Variants in ZNF395 observed in about 807,000 individuals in gnomAD.
ZNF395 encodes the protein zinc finger protein 395.
A neutral mutation model predicts 57.7 loss-of-function variants in ZNF395; 20 were observed. The ratio of observed to expected loss-of-function variants is 0.35; its 90% CI spans 0.24 to 0.50. ZNF395 has a LOEUF of 0.50. Among genes scored for constraint, ZNF395 ranks in the 20% least tolerant of loss-of-function variants. The pLI, the probability that ZNF395 is intolerant of heterozygous loss-of-function variation, is 0.97. For missense variants in ZNF395, 606 were observed against 671.2 expected (o/e 0.90, Z 1.07); for synonymous variants, 295 against 275.9 (o/e 1.07, Z -0.69).
intron 1 of ZNF395, among the ~76,000 whole-genome samples, chr8:28,367,295 C>T (rs959675247): frequency 6.6e-6 from 1 of 152,156 alleles, no homozygotes; most frequent in African/African-American, 2.4e-5. Context: ...TACCCTATAA[C>T]TGAGCATCCA....
chr8:28,353,288 G>A lies in ZNF395; in HGVS notation c.704C>T (p.Pro235Leu), dbSNP rs1186856945. The change falls in exon 5 of 10, where the codon CCC becomes CTC. Residue 235 changes from proline (P) to leucine (L), a missense_variant. By Grantham distance (98) the Pro-to-Leu change is moderately conservative. Coordinates refer to ENST00000344423, the MANE Select transcript of ZNF395 (RefSeq NM_018660.3). ...CCCCAAATACTTGGGGCTGGCCTGGGGGTGGGGGGGCGAGGGGGTGGAGAC... is the reference window on the plus strand; with the variant it reads ...CCCCAAATACTTGGGGCTGGCCTGGAGGTGGGGGGGCGAGGGGGTGGAGAC... ...SGVSTPSPPH[P>L]QASPKYLGDA... is the part of the protein sequence containing the mutation. The A allele has an allele frequency of 6.2e-7, 1 of 1,610,806 alleles. No homozygotes were observed. Among genetic ancestry groups the A allele is most frequent in the African/African-American group, 1.3e-5 (1 of 74,872 alleles).
intron 1 of ZNF395, among the ~76,000 whole-genome samples, chr8:28,380,014 CCT>C (rs1415319806): frequency 6.6e-6 from 1 of 152,004 alleles, no homozygotes; most frequent in African/African-American, 2.4e-5. Context: ...AACATTTTTC[CCT>C]GTTATTTTAA....
intron 1 of ZNF395, among the ~76,000 whole-genome samples, chr8:28,364,682 T>C (rs1801889800): frequency 6.7e-6 from 1 of 149,402 alleles, no homozygotes; most frequent in Admixed American, 6.7e-5. Flanking sequence ...AAAGAATCAC[T>C]TGAACCCAGG....
At chr8:28,360,286 C>T (rs944806892) in intron 2 of ZNF395, among the ~76,000 whole-genome samples, 1 of 152,256 alleles carries the variant, frequency 6.6e-6, no homozygotes, top group Non-Finnish European at 1.5e-5. Flanking sequence ...GCCACCTTCT[C>T]TCACAGGCAG....
chr8:28,356,593 A>C lies in ZNF395; in HGVS notation c.583+77T>G. The C allele has an allele frequency of 1.8e-6, 2 of 1,085,846 alleles. No homozygotes were observed. Among genetic ancestry groups the C allele is most frequent in the Non-Finnish European group, 2.7e-6 (2 of 743,664 alleles). The allele number at this position is 1,085,846 out of a possible 1,614,324, so 67.3% of individuals were successfully genotyped here. On this transcript the variant is annotated intron_variant, in intron 4 of 9. Coordinates refer to ENST00000344423, the MANE Select transcript of ZNF395 (RefSeq NM_018660.3). This position sits in a 1 kb window ranked among gnomAD's most constrained non-coding sequence, Gnocchi z 4.0. ...TATTGCCAGGCTGGTGACATAGGCA[A>C]CTAGCTGCTCTGCACAGAGGATGTT...
intron 2 of ZNF395, among the ~76,000 whole-genome samples, chr8:28,360,293 G>A (rs1801832670): frequency 6.6e-6 from 1 of 152,204 alleles, no homozygotes; most frequent in Admixed American, 6.5e-5. Context: ...TCTCTCACAG[G>A]CAGGGAGGCC....
chr8:28,363,124 T>G (rs952763365), intron 1 of ZNF395, among the ~76,000 whole-genome samples: 19 of 150,848 alleles, frequency 1.3e-4, no homozygotes. Context: ...GTTTTTTTTT[T>G]GTTTGGGTTT....
In ZNF395 at chr8:28,356,685, C is replaced by G; in HGVS notation, c.568G>C (p.Glu190Gln). ...SPVVQSPPGT[E>Q]ANFSASRAAC... ...GCTTGCTCACCAGAGAAGTTGGCCT[C>G]GGTCCCGGGAGGACTCTGTACAACA... is the stretch of plus-strand genomic sequence containing the variant. Residue 190 changes from glutamate to glutamine, a missense_variant, in exon 4 of 10, where the codon GAG (glutamate) becomes CAG (glutamine). Physicochemically the swap from Glu to Gln is conservative, Grantham distance 29. Around this residue, in one of 3 missense-constraint regions of ZNF395, gnomAD observed 309 missense variants for 374.7 expected, o/e 0.82. Coordinates refer to ENST00000344423, the MANE Select transcript of ZNF395 (RefSeq NM_018660.3). The surrounding 1 kb of genome is among the most constrained non-coding windows in gnomAD (Gnocchi z 4.0). 1 of 1,613,956 alleles carries G rather than the reference C, an allele frequency of 6.2e-7. No homozygotes were observed. Among genetic ancestry groups the G allele is most frequent in the South Asian group, 1.1e-5 (1 of 91,054 alleles).
At chr8:28,355,085 A>T (rs17059008) in intron 4 of ZNF395, among the ~76,000 whole-genome samples, 1 of 152,142 alleles carries the variant, frequency 6.6e-6, no homozygotes, top group Non-Finnish European at 1.5e-5. Flanking sequence ...ATCTTTGATC[A>T]TAAGTTTTTC....
Position 28,346,672 on chromosome 8 carries a change from T to G in ZNF395, c.*2047A>C, listed in dbSNP as rs950577349. The G allele has an allele frequency of 6.6e-5, 10 of 152,150 alleles. No individual in the cohort carries two copies. Among genetic ancestry groups the G allele is most frequent in the African/African-American group, 2.4e-4 (10 of 41,404 alleles). The allele number at this position is 152,150 out of a possible 1,614,324, so 9.4% of individuals were successfully genotyped here. ...GGGGGCGGGGGGAATTCAAACAGCT[T>G]TCTAAAGACGAGACGGCAGTGAAAA... On this transcript the variant is annotated 3_prime_UTR_variant, in exon 10 of 10. Transcript: ENST00000344423.
intron 1 of ZNF395, among the ~76,000 whole-genome samples, chr8:28,367,572 T>C (rs1400456364): frequency 2.6e-5 from 4 of 152,158 alleles, no homozygotes; most frequent in African/African-American, 9.7e-5. Context: ...TTTCCACAGC[T>C]CTACCCAGGA....
Position 28,349,150 on chromosome 8 carries a change from G to C in ZNF395, c.1405C>G (p.Pro469Ala). 6.4e-7 allele frequency: 1 copy of C among 1,565,274 alleles called. No homozygotes were observed. The highest frequency in any genetic ancestry group is 8.6e-7 in the Non-Finnish European group (1 of 1,157,758). ...AMKSHLIVTS[P>A]PRAQSGARKA... Reference sequence around the variant, plus strand: ...CTGGCACCACTCTGGGCCCGGGGTGGAGAAGTGACGATCAGATGAGATTTC... The same window carrying C: ...CTGGCACCACTCTGGGCCCGGGGTGCAGAAGTGACGATCAGATGAGATTTC... Residue 469 changes from proline to alanine, a missense_variant, in exon 9 of 10, where the codon CCA becomes GCA. Pro to Ala is a conservative substitution (Grantham distance 27). Coordinates refer to ENST00000344423, the MANE Select transcript of ZNF395 (RefSeq NM_018660.3).
chr8:28,386,411 A>T lies in ZNF395; in HGVS notation c.-77T>A, dbSNP rs962361001. On this transcript the variant is annotated 5_prime_UTR_variant, in exon 1 of 10. Coordinates refer to ENST00000344423, the MANE Select transcript of ZNF395 (RefSeq NM_018660.3). The stretch of plus-strand genomic sequence containing the variant: ...TACACACCCCCGGCCGCCCGTAGAC[A>T]GTCGGCGCTCAATAAGTGCCCGAGC... The T allele has an allele frequency of 6.8e-6, 1 of 146,440 alleles. No homozygotes were observed. The highest frequency in any genetic ancestry group is 2.6e-5 in the African/African-American group (1 of 39,084). 9.1% of individuals were successfully genotyped at this position (146,440 alleles called of 1,614,324 possible). A position where few individuals can be genotyped will look rare whatever the true frequency, so the allele number is the denominator to read the frequency against.
chr8:28,355,761 G>A (rs1452192219), intron 4 of ZNF395, among the ~76,000 whole-genome samples: 1 of 152,180 alleles, frequency 6.6e-6, no homozygotes, highest in East Asian at 1.9e-4. Context: ...ATAATGCAAT[G>A]ACTTCCTTTG....
intron 7 of ZNF395, 62 bp downstream of exon 7, chr8:28,351,433 A>C: frequency 6.7e-7 from 1 of 1,502,878 alleles, no homozygotes; most frequent in South Asian, 1.3e-5. Context: ...GTAGCCTGTA[A>C]TCAAGCTGGC....
chr8:28,352,528 C>A lies in ZNF395; in HGVS notation c.920+45G>T. The A allele has an allele frequency of 6.4e-7, 1 of 1,556,960 alleles. No homozygotes were observed. The highest frequency in any genetic ancestry group is 8.8e-7 in the Non-Finnish European group (1 of 1,130,480). ...ACAGGGACTCGGCAGGGTGGAGGGACACCCACACGCGACCCTAGGCTAGAG... is the reference window on the plus strand; with the variant it reads ...ACAGGGACTCGGCAGGGTGGAGGGAAACCCACACGCGACCCTAGGCTAGAG... On this transcript the variant is annotated intron_variant, in intron 6 of 9. Coordinates refer to ENST00000344423, the MANE Select transcript of ZNF395 (RefSeq NM_018660.3). This position sits in a 1 kb window ranked among gnomAD's most constrained non-coding sequence, Gnocchi z 4.0.
intron 9 of ZNF395, 142 bp downstream of exon 9, chr8:28,348,983 G>A (rs915829142): frequency 1.7e-6 from 2 of 1,148,424 alleles, no homozygotes; most frequent in South Asian, 2.8e-5. Flanking sequence ...GGACCAAACA[G>A]TCATCCCATC....
intron 1 of ZNF395, among the ~76,000 whole-genome samples, chr8:28,379,133 A>T (rs1054349256): frequency 6.6e-6 from 1 of 152,234 alleles, no homozygotes; most frequent in African/African-American, 2.4e-5. Flanking sequence ...TCTGATAACC[A>T]GGAAAATATT....
chr8:28,374,656 C>T (rs1394826471), intron 1 of ZNF395, among the ~76,000 whole-genome samples: 2 of 152,134 alleles, frequency 1.3e-5, no homozygotes, highest in African/African-American at 2.4e-5. Context: ...ACAAGCCCAA[C>T]TCCGCAACTC....
Sources: gnomAD v4.1 joint callset for allele counts (sites outside exome capture counted in the v4.1 genomes callset) on GRCh38, gnomAD v4.1.1 for gene constraint, gnomAD v4.1.1 regional missense constraint, Gnocchi (gnomAD v3.1) non-coding constraint, MANE v1.5 for transcripts, NCBI Gene and HGNC (gene_info 2026-07-23, HGNC 2026-07-21) for gene names.